The following RRBP1 variants were observed in gnomAD, a reference collection of about 807,000 sequenced individuals.
RRBP1 encodes ribosome-binding protein 1.
Under a neutral mutation model 165.2 loss-of-function variants are expected in RRBP1, and 94 were observed. The ratio of observed to expected loss-of-function variants is 0.57; its 90% CI spans 0.48 to 0.68. RRBP1 has a LOEUF of 0.68. Among genes scored for constraint, RRBP1 ranks in the 30% least tolerant of loss-of-function variants. The probability of loss-of-function intolerance (pLI) is 0.00; values close to 1 mark genes in which losing one functional copy is unlikely to be tolerated. For synonymous variants in RRBP1, 680 were observed against 714.5 expected (o/e 0.95, Z 0.77); for missense variants, 1,676 against 1,763.0 (o/e 0.95, Z 0.88).
chr20:17,614,704 T>A, intron 24 of RRBP1, 33 bp downstream of exon 24: 2 of 1,606,038 alleles, frequency 1.2e-6, no homozygotes, highest in Non-Finnish European at 1.7e-6. Flanking sequence ...GCAGCTCGAC[T>A]CCTCCCGCCC....
chr20:17,646,992 A>C (rs1445817621), intron 3 of RRBP1, among the ~76,000 whole-genome samples: 1 of 152,220 alleles, frequency 6.6e-6, no homozygotes, highest in Non-Finnish European at 1.5e-5. Context: ...GAACCACTCC[A>C]GGAACTGCCG....
Position 17,659,843 on chromosome 20 carries a change from G to A in RRBP1, c.665C>T (p.Ala222Val), listed in dbSNP as rs1471598985. The stretch of plus-strand genomic sequence containing the variant: ...TTTGCCCTGGTTTGGGGTTCCCTCT[G>A]CCTTTCTGCCCTGGTTTGGGGCTCC... ...AEGAPNQGRK[A>V]EGTPNQGKKT... The change falls in exon 3 of 25, where the codon GCA becomes GTA. Residue 222 changes from alanine (A) to valine (V), a missense_variant. Transcript: ENST00000377813. 6.4e-7 allele frequency: 1 copy of A among 1,551,352 alleles called. No individual in the cohort carries two copies. The highest frequency in any genetic ancestry group is 8.7e-7 in the Non-Finnish European group (1 of 1,147,000).
rs373635068 is a variant in RRBP1, at chr20:17,621,888, A to G, written c.3207T>C (p.Ala1069=). 3 of 1,613,684 alleles carry G rather than the reference A, an allele frequency of 1.9e-6. No individual in the cohort carries two copies. The highest frequency in any genetic ancestry group is 2.5e-6 in the Non-Finnish European group (3 of 1,180,000). ...CCAAGACAGAGAGTTCTGGGAGCAG[A>G]GCCAGCAGGGCCTCCATGGTCTGCG... ...IEAQTMEALL[A]LLPELSVLAQ... is the part of the protein sequence containing the mutation. The change falls in exon 14 of 25, where the codon GCT becomes GCC. Residue 1069 remains alanine, a synonymous_variant. Transcript: ENST00000377813.
intron 2 of RRBP1, among the ~76,000 whole-genome samples, chr20:17,665,058 C>T (rs1188012397): frequency 2.0e-5 from 3 of 151,876 alleles, no homozygotes; most frequent in Non-Finnish European, 2.9e-5. Context: ...GCCATATGCA[C>T]TTTAGATATT....
At chr20:17,615,828 T>C in intron 22 of RRBP1, 98 bp downstream of exon 22, 7 of 1,097,124 alleles carry the variant, frequency 6.4e-6, no homozygotes, top group Non-Finnish European at 7.9e-6. Flanking sequence ...CAGGTGCTGC[T>C]GGGCACAGCC....
chr20:17,662,897 C>T (rs911103779), intron 2 of RRBP1, among the ~76,000 whole-genome samples: 1 of 152,082 alleles, frequency 6.6e-6, no homozygotes, highest in Non-Finnish European at 1.5e-5. Flanking sequence ...ATCCTAAGGC[C>T]AGGCATGGTG....
intron 13 of RRBP1, chr20:17,622,920 C>G (rs751431742): frequency 6.6e-6 from 1 of 152,218 alleles, no homozygotes; most frequent in South Asian, 2.1e-4. Context: ...TGCTGACCAC[C>G]GGACACCCAG....
In RRBP1 at chr20:17,633,617, C is replaced by T; in HGVS notation, c.2457-4G>A. Reference sequence around the variant, plus strand: ...CTTGGCCAGCTCTGCGTTCTGCCTGCAAGACAGTCACCAGCCCGACTAATG... The same window carrying T: ...CTTGGCCAGCTCTGCGTTCTGCCTGTAAGACAGTCACCAGCCCGACTAATG... On this transcript the variant is annotated splice_region_variant and splice_polypyrimidine_tract_variant and intron_variant, in intron 7 of 24. Coordinates refer to ENST00000377813, the MANE Select transcript of RRBP1 (RefSeq NM_001365613.2). 1 of 1,613,412 alleles carries T rather than the reference C, an allele frequency of 6.2e-7. No individual in the cohort carries two copies. The highest frequency in any genetic ancestry group is 1.1e-5 in the South Asian group (1 of 91,026).
At chr20:17,646,968 C>T (rs146727047) in intron 3 of RRBP1, among the ~76,000 whole-genome samples, 2 of 152,320 alleles carry the variant, frequency 1.3e-5, no homozygotes, top group East Asian at 1.9e-4. Context: ...TCTCAGTCCA[C>T]GGGGAGGGTA....
intron 23 of RRBP1, 116 bp from the exon 24 acceptor site, chr20:17,614,996 C>A: frequency 8.6e-7 from 1 of 1,163,798 alleles, no homozygotes; most frequent in South Asian, 1.4e-5. Context: ...ACAAGGAAGG[C>A]AACTCCTGGT....
At chr20:17,620,610 C>G in intron 17 of RRBP1, 105 bp downstream of exon 17, 4 of 919,158 alleles carry the variant, frequency 4.4e-6, no homozygotes, top group Non-Finnish European at 6.9e-6. Context: ...TGGAAAAGCC[C>G]CACCGAGACA....
In RRBP1 at chr20:17,615,547, TG is replaced by T; in HGVS notation, c.3952-19del. On this transcript the variant is annotated intron_variant, in intron 22 of 24. Coordinates refer to ENST00000377813, the MANE Select transcript of RRBP1 (RefSeq NM_001365613.2). ...GTCTGAGCCTTGCCGGAGAGGGAAGTGAGGTCTGGGTGAGACGTCTTATAAA... is the reference window on the plus strand; with the variant it reads ...GTCTGAGCCTTGCCGGAGAGGGAAGTAGGTCTGGGTGAGACGTCTTATAAA... The T allele has an allele frequency of 6.3e-7, 1 of 1,591,364 alleles. No homozygotes were observed. Among genetic ancestry groups the T allele is most frequent in the East Asian group, 2.3e-5 (1 of 43,528 alleles).
intron 2 of RRBP1, among the ~76,000 whole-genome samples, chr20:17,675,858 G>A (rs1321918359): frequency 6.6e-6 from 1 of 152,188 alleles, no homozygotes; most frequent in Admixed American, 6.5e-5. Context: ...CTAGAAGGCA[G>A]GGGGTATAGG....
At chr20:17,672,101 C>A (rs556737354) in intron 2 of RRBP1, among the ~76,000 whole-genome samples, 1 of 152,302 alleles carries the variant, frequency 6.6e-6, no homozygotes, top group South Asian at 2.1e-4. Context: ...AGGGCTCCTG[C>A]AGGAATATCC....
intron 3 of RRBP1, among the ~76,000 whole-genome samples, chr20:17,658,007 A>G (rs921538954): frequency 6.6e-6 from 1 of 152,242 alleles, no homozygotes; most frequent in Non-Finnish European, 1.5e-5. Flanking sequence ...AAGACTTGCC[A>G]ACACGCAGAA....
At chr20:17,644,341 CCTT>C (rs141943635) in intron 3 of RRBP1, among the ~76,000 whole-genome samples, 6,489 of 152,236 alleles carry the variant, frequency 0.043, 445 homozygotes, top group African/African-American at 0.15. Flanking sequence ...GCCCCTTCAA[CCTT>C]CTTTTCACTG....
At chr20:17,620,660 T>C in intron 17 of RRBP1, 55 bp downstream of exon 17, 1 of 1,339,278 alleles carries the variant, frequency 7.5e-7, no homozygotes, top group South Asian at 1.2e-5. Flanking sequence ...CTGTCAACTC[T>C]CCCCTGGGCT....
At chr20:17,637,667 T>C (rs961805994) in intron 5 of RRBP1, among the ~76,000 whole-genome samples, 5 of 152,128 alleles carry the variant, frequency 3.3e-5, no homozygotes, top group Admixed American at 2.6e-4. Context: ...AGTGTCCCTC[T>C]TGCCTGAGAT....
chr20:17,628,820 C>G (rs1457516172), intron 9 of RRBP1, among the ~76,000 whole-genome samples: 1 of 152,244 alleles, frequency 6.6e-6, no homozygotes, highest in East Asian at 1.9e-4. Context: ...AAGCTGGGGC[C>G]GTGCCTCCCA....
Sources: gnomAD v4.1 joint callset for allele counts (sites outside exome capture counted in the v4.1 genomes callset) on GRCh38, gnomAD v4.1.1 for gene constraint, MANE v1.5 for transcripts, NCBI Gene and HGNC (gene_info 2026-07-23, HGNC 2026-07-21) for gene names.